Variants in KLHL33 observed in about 807,000 individuals in gnomAD.
The protein encoded by KLHL33 is kelch like family member 33.
A neutral mutation model predicts 60.8 loss-of-function variants in KLHL33; 46 were observed. The observed-to-expected ratio is 0.76, with a 90% confidence interval of 0.60 to 0.97. The LOEUF (loss-of-function observed/expected upper bound fraction) is 0.97. KLHL33 is among the 50% of genes least tolerant of loss of function. KLHL33 has a pLI of 0.00. For missense variants in KLHL33, 1,055 were observed against 1,000.0 expected (o/e 1.05, Z -0.74); for synonymous variants, 434 against 432.2 (o/e 1.00, Z -0.05).
Position 20,430,600 on chromosome 14 carries a change from G to T in KLHL33, c.868C>A (p.Leu290Ile). The change falls in exon 3 of 5, where the codon CTC becomes ATC. Residue 290 changes from leucine to isoleucine, a missense_variant. Physicochemically the swap from Leu to Ile is conservative, Grantham distance 5 (BLOSUM62 2). Coordinates refer to ENST00000636854, the MANE Select transcript of KLHL33 (RefSeq NM_001365790.2). The part of the protein sequence containing the change: ...LRTISTQDLR[L>I]LVSFAYSGVV... Reference sequence around the variant, plus strand: ...CCGGAGTAAGCAAAAGAGACGAGGAGTCGCAGGTCCTGGGTGGAGATCGTC... The same window carrying T: ...CCGGAGTAAGCAAAAGAGACGAGGATTCGCAGGTCCTGGGTGGAGATCGTC... The T allele has an allele frequency of 1.3e-6, 2 of 1,537,148 alleles. No individual in the cohort carries two copies. The highest frequency in any genetic ancestry group is 1.7e-6 in the Non-Finnish European group (2 of 1,146,974).
At chr14:20,432,708 G>T (rs1406017616) in intron 2 of KLHL33, among the ~76,000 whole-genome samples, 1 of 151,970 alleles carries the variant, frequency 6.6e-6, no homozygotes, top group Non-Finnish European at 1.5e-5. Context: ...GATCACCTGA[G>T]GTCAGGAGTT....
At position 20,430,306 on chromosome 14, in the gene KLHL33, C is replaced by T; in HGVS notation, c.1162G>A (p.Asp388Asn). The part of the protein sequence containing the change: ...LPAACLAELL[D>N]SDELHVQEEF... ...TCCTGCACATGGAGCTCATCACTAT[C>T]CAGGAGCTCAGCCAAGCAGGCAGCT... Residue 388 changes from aspartate (D) to asparagine (N), a missense_variant, in exon 3 of 5, where the codon GAT becomes AAT. Asp to Asn is a conservative substitution (Grantham distance 23). Coordinates refer to ENST00000636854, the MANE Select transcript of KLHL33 (RefSeq NM_001365790.2). 1 of 1,551,820 alleles carries T rather than the reference C, an allele frequency of 6.4e-7. No individual in the cohort carries two copies. Among genetic ancestry groups the T allele is most frequent in the Non-Finnish European group, 8.7e-7 (1 of 1,147,014 alleles).
chr14:20,426,542 G>C lies in KLHL33; in HGVS notation c.*2307C>G, dbSNP rs1880277426. On this transcript the variant is annotated 3_prime_UTR_variant, in exon 5 of 5. Transcript: ENST00000636854. ...AAAAGAAAATTGACAACAGGTGCTG[G>C]AGAGGATGTGGAGAAATAGGAACAC... 7.3e-6 allele frequency: 1 copy of C among 136,160 alleles called. No individual in the cohort carries two copies. Among genetic ancestry groups the C allele is most frequent in the African/African-American group, 2.7e-5 (1 of 36,500 alleles). The allele number at this position is 136,160 out of a possible 1,614,324, so 8.4% of individuals were successfully genotyped here.
chr14:20,432,112 A>G (rs1227060472), intron 2 of KLHL33, among the ~76,000 whole-genome samples: 4 of 96,838 alleles, frequency 4.1e-5, no homozygotes, highest in African/African-American at 2.1e-4. Flanking sequence ...ATTTTATAGG[A>G]TAACCAATTT....
chr14:20,428,840 G>A lies in KLHL33; in HGVS notation c.*9C>T. On this transcript the variant is annotated 3_prime_UTR_variant, in exon 5 of 5. Coordinates refer to ENST00000636854, the MANE Select transcript of KLHL33 (RefSeq NM_001365790.2). Reference sequence around the variant, plus strand: ...TGCCCTCCTCTCCCCATACACTGTTGCTCCCTCTTCACCCAGCAGGTTTGG... The same window carrying A: ...TGCCCTCCTCTCCCCATACACTGTTACTCCCTCTTCACCCAGCAGGTTTGG... 1 of 1,546,316 alleles carries A rather than the reference G, an allele frequency of 6.5e-7. No individual in the cohort carries two copies. Among genetic ancestry groups the A allele is most frequent in the Non-Finnish European group, 8.7e-7 (1 of 1,143,012 alleles).
In KLHL33 at chr14:20,429,255, G is replaced by A. The variant is rs200807217; in HGVS notation, c.1988C>T (p.Thr663Met). Reference protein sequence around the residue: ...HYDPKLEKPGTFLSPMGVPRA... With the variant: ...HYDPKLEKPGMFLSPMGVPRA... ...AGGTACCCCCATAGGGCTCAGAAAC[G>A]TCCCTGGCTTCTCAAGTTTGGGGTC... is the stretch of plus-strand genomic sequence containing the variant. Residue 663 changes from threonine to methionine, a missense_variant, in exon 5 of 5, where the codon ACG becomes ATG. Coordinates refer to ENST00000636854, the MANE Select transcript of KLHL33 (RefSeq NM_001365790.2). 850 of 1,551,688 alleles carry A rather than the reference G, an allele frequency of 5.5e-4. 8 individuals are homozygous for A. The highest frequency in any genetic ancestry group is 4.7e-4 in the Admixed American group (24 of 50,998).
intron 2 of KLHL33, among the ~76,000 whole-genome samples, chr14:20,433,929 C>A (rs530235108): frequency 1.3e-5 from 2 of 152,200 alleles, no homozygotes; most frequent in South Asian, 4.2e-4. Context: ...GTGTAACAGC[C>A]CAACTAGATA....
Position 20,426,356 on chromosome 14 carries a change from C to G in KLHL33, c.*2493G>C, listed in dbSNP as rs1880268495. 1 of 151,754 alleles carries G rather than the reference C, an allele frequency of 6.6e-6. No homozygotes were observed. The highest frequency in any genetic ancestry group is 2.4e-5 in the African/African-American group (1 of 41,288). 9.4% of individuals were successfully genotyped at this position (151,754 alleles called of 1,614,324 possible). The stretch of plus-strand genomic sequence containing the variant: ...GTCTCTACTAAAAATACAAAATTAG[C>G]CAGATGTAATAGCTGTAATCCCAGC... On this transcript the variant is annotated 3_prime_UTR_variant, in exon 5 of 5. Coordinates refer to ENST00000636854, the MANE Select transcript of KLHL33 (RefSeq NM_001365790.2).
At position 20,428,545 on chromosome 14, in the gene KLHL33, TC is replaced by T; in HGVS notation, c.*303del. The T allele has an allele frequency of 2.9e-6, 1 of 342,752 alleles. No individual in the cohort carries two copies. The highest frequency in any genetic ancestry group is 4.7e-5 in the South Asian group (1 of 21,262). 21.2% of individuals were successfully genotyped at this position (342,752 alleles called of 1,614,324 possible). ...TCTCTACACTTTGGCTACTGAAGCTTCTTAACTCTCTTTCAAACTAGATGCC... is the reference window on the plus strand; with the variant it reads ...TCTCTACACTTTGGCTACTGAAGCTTTTAACTCTCTTTCAAACTAGATGCC... On this transcript the variant is annotated 3_prime_UTR_variant, in exon 5 of 5. Coordinates refer to ENST00000636854, the MANE Select transcript of KLHL33 (RefSeq NM_001365790.2).
chr14:20,433,556 C>T (rs1387357900), intron 2 of KLHL33, among the ~76,000 whole-genome samples: 1 of 152,214 alleles, frequency 6.6e-6, no homozygotes, highest in East Asian at 1.9e-4. Flanking sequence ...CCCATATCAT[C>T]AATCAACCTA....
Position 20,429,232 on chromosome 14 carries a change from G to C in KLHL33, c.2011C>G (p.Pro671Ala). Reference sequence around the variant, plus strand: ...GCAGCCATGACATGGCCAGCCCGAGGTACCCCCATAGGGCTCAGAAACGTC... The same window carrying C: ...GCAGCCATGACATGGCCAGCCCGAGCTACCCCCATAGGGCTCAGAAACGTC... ...PGTFLSPMGV[P>A]RAGHVMAALG... Residue 671 changes from proline (P) to alanine (A), a missense_variant, in exon 5 of 5, where the codon CCT becomes GCT. Physicochemically the swap from Pro to Ala is conservative, Grantham distance 27. Transcript: ENST00000636854. The C allele has an allele frequency of 6.4e-7, 1 of 1,551,744 alleles. No homozygotes were observed. The highest frequency in any genetic ancestry group is 8.7e-7 in the Non-Finnish European group (1 of 1,147,020).
In KLHL33 at chr14:20,429,921, T is replaced by C; in HGVS notation, c.1547A>G (p.Gln516Arg). ...VGLVRTVEWG[Q>R]LPALPAPGRF... ...TCCGGGGGCAGGCAGGGCAGGCAGC[T>C]GCCCCCACTCAACAGTTCGTACCAG... The change falls in exon 3 of 5, where the codon CAG becomes CGG. Residue 516 changes from glutamine to arginine, a missense_variant. Physicochemically the swap from Gln to Arg is conservative, Grantham distance 43 (BLOSUM62 1). Coordinates refer to ENST00000636854, the MANE Select transcript of KLHL33 (RefSeq NM_001365790.2). 4.5e-6 allele frequency: 7 copies of C among 1,551,752 alleles called. No individual in the cohort carries two copies. The highest frequency in any genetic ancestry group is 6.1e-6 in the Non-Finnish European group (7 of 1,147,018).
Position 20,430,629 on chromosome 14 carries a change from A to G in KLHL33, c.839T>C (p.Leu280Pro). 6.5e-7 allele frequency: 1 copy of G among 1,535,964 alleles called. No homozygotes were observed. The highest frequency in any genetic ancestry group is 1.2e-5 in the South Asian group (1 of 83,998). The change falls in exon 3 of 5, where the codon CTG becomes CCG. Residue 280 changes from leucine to proline, a missense_variant. By Grantham distance (98) the Leu-to-Pro change is moderately conservative (BLOSUM62 -3). Transcript: ENST00000636854. ...MRESQGTEVS[L>P]RTISTQDLRL... ...CAGGTCCTGGGTGGAGATCGTCCGC[A>G]GAGATACCTCTGTGCCCTGGGATTC...
chr14:20,429,080 C>T lies in KLHL33; in HGVS notation c.2163G>A (p.Gly721=). 2 of 1,551,746 alleles carry T rather than the reference C, an allele frequency of 1.3e-6. No individual in the cohort carries two copies. The highest frequency in any genetic ancestry group is 1.4e-5 in the African/African-American group (1 of 73,178). ...HLAPLPSPHV[G]AASAVLQGEL... ...CCCCCTGCAGCACAGCACTTGCAGC[C>T]CCCACATGGGGGGAGGGTAGGGGTG... The change falls in exon 5 of 5, where the codon GGG becomes GGA. Residue 721 remains glycine, a synonymous_variant. Coordinates refer to ENST00000636854, the MANE Select transcript of KLHL33 (RefSeq NM_001365790.2).
At position 20,426,275 on chromosome 14, in the gene KLHL33, GT is replaced by G. The variant is rs1880266462; in HGVS notation, c.*2573del. ...CCAGCACTTTCGGAGGTCGAGGTGG[GT>G]GGATCACCTGAGGTCGGGAGTTCAA... On this transcript the variant is annotated 3_prime_UTR_variant, in exon 5 of 5. Transcript: ENST00000636854. 6.6e-6 allele frequency: 1 copy of G among 152,094 alleles called. No homozygotes were observed. Among genetic ancestry groups the G allele is most frequent in the Non-Finnish European group, 1.5e-5 (1 of 68,036 alleles). 9.4% of individuals were successfully genotyped at this position (152,094 alleles called of 1,614,324 possible). A position where few individuals can be genotyped will look rare whatever the true frequency, so the allele number is the denominator to read the frequency against.
intron 4 of KLHL33, 46 bp downstream of exon 4, chr14:20,429,456 A>T: frequency 6.4e-7 from 1 of 1,550,430 alleles, no homozygotes; most frequent in Non-Finnish European, 8.7e-7. Flanking sequence ...CTCTCCTTCT[A>T]TTCCAAGTCT....
At chr14:20,434,746 C>A (rs1274567414) in intron 2 of KLHL33, among the ~76,000 whole-genome samples, 1 of 152,140 alleles carries the variant, frequency 6.6e-6, no homozygotes, top group African/African-American at 2.4e-5. Context: ...CTGCTTGAGT[C>A]AATCCACTTT....
At chr14:20,433,450 TG>T (rs1182494380) in intron 2 of KLHL33, among the ~76,000 whole-genome samples, 1 of 152,228 alleles carries the variant, frequency 6.6e-6, no homozygotes, top group Non-Finnish European at 1.5e-5. Context: ...GGTAGTGGCC[TG>T]GTGCTTCCCA....
At chr14:20,429,756 AG>A (rs1440449875) in intron 3 of KLHL33, 38 bp downstream of exon 3, 52 of 1,522,164 alleles carry the variant, frequency 3.4e-5, no homozygotes, top group Non-Finnish European at 4.0e-5. Flanking sequence ...TGCCCACCTT[AG>A]GGCCTGCCAC....
Sources: allele counts gnomAD v4.1 joint callset (sites outside exome capture counted in the v4.1 genomes callset), GRCh38; gene constraint gnomAD v4.1.1; transcripts MANE v1.5; gene names NCBI Gene and HGNC (gene_info 2026-07-23, HGNC 2026-07-21).